ARHGAP42: variants seen among roughly 807,000 people sequenced by gnomAD.
ARHGAP42 encodes Rho GTPase activating protein 42.
A neutral mutation model predicts 125.0 loss-of-function variants in ARHGAP42; 63 were observed. The observed-to-expected ratio is 0.50, with a 90% CI of 0.41 to 0.62. The LOEUF (loss-of-function observed/expected upper bound fraction) is 0.62, where lower values mean the gene tolerates loss of function less well. Among genes scored for constraint, ARHGAP42 ranks in the 20% least tolerant of loss-of-function variants. The pLI is 0.00. For synonymous variants in ARHGAP42, 339 were observed against 351.0 expected (o/e 0.97, Z 0.38); for missense variants, 766 against 1,024.2 (o/e 0.75, Z 3.44).
chr11:100,835,594 T>C (rs926601038), intron 3 of ARHGAP42, among the ~76,000 whole-genome samples: 15 of 152,134 alleles, frequency 9.9e-5, no homozygotes, highest in Admixed American at 6.6e-5. Context: ...AAACTCAGGG[T>C]AGCAGTGGTT....
rs146843869 is a variant in ARHGAP42 at position 100,816,464 on chromosome 11, A to G, written c.312+21298A>G. ...AACAGAGAGTGAATATTTTAAAGTA[A>G]TAGGAAGCATCAACTATTTCAAGAC... On this transcript the variant is annotated intron_variant, in intron 3 of 23. Transcript: ENST00000298815. 3.2e-3 allele frequency among the ~76,000 whole-genome samples: 495 copies of G among 152,310 alleles called. 2 individuals are homozygous for G. The highest frequency in any genetic ancestry group is 0.011 in the African/African-American group (470 of 41,564).
At chr11:100,689,196 A>G (rs1861144419) in intron 1 of ARHGAP42, among the ~76,000 whole-genome samples, 1 of 152,214 alleles carries the variant, frequency 6.6e-6, no homozygotes, top group Non-Finnish European at 1.5e-5. Flanking sequence ...TACTACTAAT[A>G]ATGGTATTTA....
chr11:100,983,876 C>G (rs1858606101), intron 22 of ARHGAP42, among the ~76,000 whole-genome samples: 1 of 152,190 alleles, frequency 6.6e-6, no homozygotes, highest in Non-Finnish European at 1.5e-5. Context: ...TGGTGGCACA[C>G]TCCTGTAATC....
At chr11:100,955,836 T>C (rs1227915037) in intron 12 of ARHGAP42, among the ~76,000 whole-genome samples, 1 of 152,136 alleles carries the variant, frequency 6.6e-6, no homozygotes, top group African/African-American at 2.4e-5. Context: ...TTTTTGGATG[T>C]TAAGAGGACA....
intron 1 of ARHGAP42, among the ~76,000 whole-genome samples, chr11:100,746,058 G>C (rs2120351893): frequency 6.6e-6 from 1 of 152,300 alleles, no homozygotes; most frequent in Non-Finnish European, 1.5e-5. Context: ...GGGTGAAAGG[G>C]ATAGCCAGTT....
chr11:100,820,556 G>A lies in ARHGAP42; in HGVS notation c.312+25390G>A, dbSNP rs141989696. ...TTAAAAAGATGGAGAACATGGTTAA[G>A]TGAGGCTTATTATAGCTAATAGATC... On this transcript the variant is annotated intron_variant, in intron 3 of 23. Coordinates refer to ENST00000298815, the MANE Select transcript of ARHGAP42 (RefSeq NM_152432.4). 3.4e-3 allele frequency among the ~76,000 whole-genome samples: 524 copies of A among 152,254 alleles called. 4 individuals carry two copies. The highest frequency in any genetic ancestry group is 0.012 in the African/African-American group (497 of 41,562).
chr11:100,863,059 A>AACACAC (rs3063447), intron 4 of ARHGAP42, among the ~76,000 whole-genome samples: 1 of 137,456 alleles, frequency 7.3e-6, no homozygotes, highest in African/African-American at 2.7e-5. Flanking sequence ...AAAAACACAA[A>AACACAC]ACACACACAC....
At position 100,833,978 on chromosome 11, in the gene ARHGAP42, C is replaced by G. The variant is rs650767; in HGVS notation, c.313-25576C>G. Among the ~76,000 whole-genome samples the G allele has an allele frequency of 8.4e-3, 1,284 of 152,206 alleles. 16 individuals are homozygous for G. Among genetic ancestry groups the G allele is most frequent in the African/African-American group, 0.029 (1,207 of 41,532 alleles). On this transcript the variant is annotated intron_variant, in intron 3 of 23. Coordinates refer to ENST00000298815, the MANE Select transcript of ARHGAP42 (RefSeq NM_152432.4). The stretch of plus-strand genomic sequence containing the variant: ...CTTGCATATGACTGTTTCAAGGGAT[C>G]ATACTAAAATCTTAGGTTTGGAAAA...
At chr11:100,844,875 G>A (rs757697978) in intron 3 of ARHGAP42, among the ~76,000 whole-genome samples, 14 of 152,090 alleles carry the variant, frequency 9.2e-5, no homozygotes, top group Non-Finnish European at 1.3e-4. Context: ...GTGGAAAACA[G>A]AGTGGATATT....
At chr11:100,972,255 A>G (rs546237322) in intron 17 of ARHGAP42, among the ~76,000 whole-genome samples, 1 of 152,292 alleles carries the variant, frequency 6.6e-6, no homozygotes, top group Non-Finnish European at 1.5e-5. Flanking sequence ...CCTGACTTGG[A>G]GTAAGATAGA....
intron 1 of ARHGAP42, among the ~76,000 whole-genome samples, chr11:100,694,908 G>T (rs7114498): frequency 6.6e-6 from 1 of 152,220 alleles, no homozygotes; most frequent in Non-Finnish European, 1.5e-5. Flanking sequence ...GTGCATGCTT[G>T]TAATCACAGC....
At chr11:100,753,970 T>G (rs1000635983) in intron 1 of ARHGAP42, among the ~76,000 whole-genome samples, 1 of 152,246 alleles carries the variant, frequency 6.6e-6, no homozygotes, top group African/African-American at 2.4e-5. Context: ...TGGAAAAAAG[T>G]GAACAGTGTG....
intron 1 of ARHGAP42, among the ~76,000 whole-genome samples, chr11:100,699,416 T>C (rs973804493): frequency 1.4e-5 from 2 of 147,120 alleles, no homozygotes; most frequent in South Asian, 2.2e-4. Flanking sequence ...TCTGCATTAA[T>C]ATATTTTTAT....
chr11:100,696,839 C>G (rs946156141), intron 1 of ARHGAP42, among the ~76,000 whole-genome samples: 2 of 152,034 alleles, frequency 1.3e-5, no homozygotes, highest in Non-Finnish European at 2.9e-5. Context: ...ACTGCACTTA[C>G]CTCAAAAAGT....
chr11:100,950,742 G>A (rs1041769046), intron 12 of ARHGAP42, among the ~76,000 whole-genome samples: 3 of 152,014 alleles, frequency 2.0e-5, no homozygotes, highest in South Asian at 2.1e-4. Flanking sequence ...ATTAATTTGT[G>A]TATTTGTTTC....
rs777691953 is a variant in ARHGAP42, at chr11:100,797,603, G to GA, written c.312+2450dup. On this transcript the variant is annotated intron_variant, in intron 3 of 23. Transcript: ENST00000298815. ...TCCACTGTTGAGACCTAATGTTCAG[G>GA]AAAAAAAAAAAAAGATAGCATTAAA... 2.6e-3 allele frequency among the ~76,000 whole-genome samples: 360 copies of GA among 138,320 alleles called. 1 individual carries two copies. Among genetic ancestry groups the GA allele is most frequent in the East Asian group, 8.0e-3 (39 of 4,848 alleles). The allele number at this position is 138,320 out of a possible 152,430, so 90.7% of individuals were successfully genotyped here.
intron 4 of ARHGAP42, among the ~76,000 whole-genome samples, chr11:100,860,200 A>G (rs560579709): frequency 3.9e-5 from 6 of 152,092 alleles, no homozygotes; most frequent in Non-Finnish European, 7.4e-5. Context: ...GGTTTCTAAA[A>G]TAGAACTAAT....
intron 1 of ARHGAP42, 129 bp downstream of exon 1, chr11:100,687,961 G>C: frequency 9.4e-7 from 1 of 1,064,312 alleles, no homozygotes; most frequent in South Asian, 1.8e-5. Context: ...AAGCTGAAGA[G>C]CTCCCCTGCT....
In ARHGAP42 at chr11:100,921,512, C is replaced by T. The variant is rs895131590; in HGVS notation, c.505C>T (p.Arg169Ter). The T allele has an allele frequency of 2.6e-6, 4 of 1,543,670 alleles. No homozygotes were observed. Among genetic ancestry groups the T allele is most frequent in the South Asian group, 1.2e-5 (1 of 82,868 alleles). The change falls in exon 6 of 24, where the codon CGA becomes TGA. Residue 169 changes from arginine to a stop codon, truncating the protein, a stop_gained. Transcript: ENST00000298815. LOFTEE classifies it high-confidence loss of function. ...HLQEADTQID[R>*]EHQNFYEASL... ...TCTTTAGGCAGATACACAAATTGAC[C>T]GAGAACATCAGAACTTCTATGAAGC...
Sources: gnomAD v4.1 joint callset for allele counts (sites outside exome capture counted in the v4.1 genomes callset) on GRCh38, gnomAD v4.1.1 for gene constraint, MANE v1.5 for transcripts, NCBI Gene and HGNC (gene_info 2026-07-23, HGNC 2026-07-21) for gene names.